The following NSMCE2 variants were observed in gnomAD, a reference collection of about 807,000 sequenced individuals.
NSMCE2 encodes E3 SUMO-protein ligase NSE2.
In NSMCE2, 24 loss-of-function variants were observed where a neutral mutation model predicts 23.8. The ratio of observed to expected loss-of-function variants is 1.01; its 90% confidence interval spans 0.73 to 1.42. The LOEUF (loss-of-function observed/expected upper bound fraction) is 1.42. Ranked by LOEUF, NSMCE2 falls within the 40% of genes most tolerant of loss-of-function variation. The pLI is 0.00. For synonymous variants in NSMCE2, 92 were observed against 94.1 expected (o/e 0.98, Z 0.13); for missense variants, 284 against 296.5 (o/e 0.96, Z 0.31).
chr8:125,242,669 C>G lies in NSMCE2; in HGVS notation c.418+60413C>G, dbSNP rs151336713. ...GCTTACAACAGCAGGAGCTAGAGACCTGGGTGAACTACAGAGTAGTTGTGG... is the reference window on the plus strand; with the variant it reads ...GCTTACAACAGCAGGAGCTAGAGACGTGGGTGAACTACAGAGTAGTTGTGG... On this transcript the variant is annotated intron_variant, in intron 5 of 7. Transcript: ENST00000287437. 1.4e-4 allele frequency among the ~76,000 whole-genome samples: 21 copies of G among 152,302 alleles called. No individual in the cohort carries two copies. The East Asian group carries it at 3.7e-3, about 27-fold the overall frequency.
At chr8:125,286,998 G>A (rs543241274) in intron 5 of NSMCE2, among the ~76,000 whole-genome samples, 2 of 152,234 alleles carry the variant, frequency 1.3e-5, no homozygotes, top group South Asian at 2.1e-4. Flanking sequence ...CCTCTGTAGG[G>A]TGGTTTTACC....
In NSMCE2 at chr8:125,196,812, C is replaced by T. The variant is rs934235094; in HGVS notation, c.418+14556C>T. 4.6e-5 allele frequency among the ~76,000 whole-genome samples: 7 copies of T among 152,318 alleles called. 1 individual carries two copies. The East Asian group carries it at 1.2e-3, about 25-fold the overall frequency. On this transcript the variant is annotated intron_variant, in intron 5 of 7. Coordinates refer to ENST00000287437, the MANE Select transcript of NSMCE2 (RefSeq NM_173685.4). ...ACAGTGGTTGAACTAATTTACACTA[C>T]CATCAACAGTGTAAAAGCATTCCTA...
intron 5 of NSMCE2, among the ~76,000 whole-genome samples, chr8:125,234,684 C>CAGT (rs1825469303): frequency 6.6e-6 from 1 of 152,114 alleles, no homozygotes. Context: ...CCCATCAAAC[C>CAGT]AGTTATAAAC....
At chr8:125,096,393 T>C (rs1817930966) in intron 1 of NSMCE2, among the ~76,000 whole-genome samples, 1 of 152,164 alleles carries the variant, frequency 6.6e-6, no homozygotes, top group Non-Finnish European at 1.5e-5. Context: ...CAAGAAACAG[T>C]CCTAGAAGTT....
intron 3 of NSMCE2, among the ~76,000 whole-genome samples, chr8:125,127,450 G>A (rs930854598): frequency 1.3e-5 from 2 of 152,154 alleles, no homozygotes; most frequent in Admixed American, 1.3e-4. Flanking sequence ...AGAAAAATTA[G>A]TATGGGATTT....
chr8:125,182,441 C>G, intron 5 of NSMCE2, 185 bp downstream of exon 5: 1 of 611,166 alleles, frequency 1.6e-6, no homozygotes, highest in South Asian at 2.1e-5. Context: ...TCAGCCTGCT[C>G]ATTTCTGAAA....
At chr8:125,135,696 C>G (rs957020782) in intron 3 of NSMCE2, among the ~76,000 whole-genome samples, 3 of 152,006 alleles carry the variant, frequency 2.0e-5, no homozygotes, top group African/African-American at 2.4e-5. Context: ...TGCCTTTGCA[C>G]TTTTGTCTGT....
At chr8:125,158,215 A>G (rs80000344) in intron 4 of NSMCE2, among the ~76,000 whole-genome samples, 2,937 of 152,260 alleles carry the variant, frequency 0.019, 86 homozygotes, top group African/African-American at 0.068. Flanking sequence ...ACTCCCTTCC[A>G]AAATGAGCCT....
chr8:125,263,631 T>A (rs959113079), intron 5 of NSMCE2, among the ~76,000 whole-genome samples: 1 of 151,728 alleles, frequency 6.6e-6, no homozygotes, highest in Non-Finnish European at 1.5e-5. Context: ...GCGCCTATAA[T>A]CCCAGCTACT....
At chr8:125,281,268 G>A (rs1331714737) in intron 5 of NSMCE2, among the ~76,000 whole-genome samples, 1 of 152,178 alleles carries the variant, frequency 6.6e-6, no homozygotes, top group Non-Finnish European at 1.5e-5. Context: ...AATTTTTGTG[G>A]TAGTGCTTTA....
At position 125,366,871 on chromosome 8, in the gene NSMCE2, C is replaced by T. The variant is rs1014446619; in HGVS notation, c.730C>T (p.Arg244Cys). 1.2e-6 allele frequency: 2 copies of T among 1,603,294 alleles called. No homozygotes were observed. The highest frequency in any genetic ancestry group is 4.5e-5 in the East Asian group (2 of 44,808). ...TGAGAACCATAACAAGAAAAGACAT[C>T]GTCATTCCGAGTAGGAAAAGCCACC... ...AIENHNKKRHRHSE is the reference protein window; with the variant it reads ...AIENHNKKRHCHSE Residue 244 changes from arginine to cysteine, a missense_variant, in exon 8 of 8, where the codon CGT becomes TGT. By Grantham distance (180) the Arg-to-Cys change is radical. Coordinates refer to ENST00000287437, the MANE Select transcript of NSMCE2 (RefSeq NM_173685.4).
chr8:125,201,696 T>C (rs183212222), intron 5 of NSMCE2, among the ~76,000 whole-genome samples: 1 of 152,300 alleles, frequency 6.6e-6, no homozygotes, highest in East Asian at 1.9e-4. Flanking sequence ...AGCTCAGTCG[T>C]TGTGCTGAGA....
intron 5 of NSMCE2, among the ~76,000 whole-genome samples, chr8:125,259,113 G>T (rs79737036): frequency 0.089 from 13,478 of 152,078 alleles, 750 homozygotes; most frequent in African/African-American, 0.15. Context: ...TATTGGTCAG[G>T]CTGGTCTTGA....
intron 3 of NSMCE2, among the ~76,000 whole-genome samples, chr8:125,111,764 C>A (rs1818762915): frequency 6.6e-6 from 1 of 152,112 alleles, no homozygotes; most frequent in Admixed American, 6.5e-5. Context: ...CACGCCACTG[C>A]ACTGCAACCT....
At chr8:125,243,147 T>C (rs1825822733) in intron 5 of NSMCE2, among the ~76,000 whole-genome samples, 1 of 152,022 alleles carries the variant, frequency 6.6e-6, no homozygotes, top group South Asian at 2.1e-4. Context: ...TATGATGCAG[T>C]TGAGGGGAGA....
intron 7 of NSMCE2, among the ~76,000 whole-genome samples, chr8:125,364,410 T>C (rs1387375856): frequency 6.6e-6 from 1 of 152,224 alleles, no homozygotes. Flanking sequence ...GGAGCTCCCA[T>C]GACCAACTTT....
At chr8:125,308,224 G>C (rs1269263392) in intron 5 of NSMCE2, among the ~76,000 whole-genome samples, 1 of 152,012 alleles carries the variant, frequency 6.6e-6, no homozygotes, top group East Asian at 1.9e-4. Flanking sequence ...TACACTCCTT[G>C]ACCTAGTTTT....
chr8:125,132,905 G>A (rs1384931960), intron 3 of NSMCE2, among the ~76,000 whole-genome samples: 5 of 152,170 alleles, frequency 3.3e-5, no homozygotes, highest in Non-Finnish European at 5.9e-5. Flanking sequence ...TAGATTTATA[G>A]ACCCTTAGGC....
At chr8:125,157,558 G>A (rs1444762434) in intron 4 of NSMCE2, among the ~76,000 whole-genome samples, 2 of 152,114 alleles carry the variant, frequency 1.3e-5, no homozygotes, top group Non-Finnish European at 2.9e-5. Flanking sequence ...TCAAATTAAG[G>A]TTGTGTTCGG....
Sources: gnomAD v4.1 joint callset for allele counts (sites outside exome capture counted in the v4.1 genomes callset) on GRCh38, gnomAD v4.1.1 for gene constraint, MANE v1.5 for transcripts, NCBI Gene and HGNC (gene_info 2026-07-23, HGNC 2026-07-21) for gene names.